CCDC187: variants seen among roughly 807,000 people sequenced by gnomAD.
CCDC187 encodes coiled-coil domain-containing protein 187.
CCDC187 carries 32 observed loss-of-function variants against 38.0 expected under a neutral mutation model. That is an observed-to-expected ratio of 0.84 (90% CI 0.64 to 1.13). The LOEUF is 1.13. Among genes scored for constraint, CCDC187 ranks in the 50% most tolerant of loss-of-function variants. The pLI, the probability that CCDC187 is intolerant of heterozygous loss-of-function variation, is 0.00. For missense variants in CCDC187, 707 were observed against 786.8 expected, an observed-to-expected ratio of 0.90 and a Z score of 1.21; for synonymous variants, 333 against 347.9, an observed-to-expected ratio of 0.96 and a Z score of 0.48.
rs1831320099 is a variant in CCDC187 at position 136,291,205 on chromosome 9, C to T, written c.1408G>A (p.Asp470Asn). Residue 470 changes from aspartate to asparagine, a missense_variant, in exon 6 of 26, where the codon GAC becomes AAC. Physicochemically the swap from Asp to Asn is conservative, Grantham distance 23. Coordinates refer to ENST00000638797, the MANE Select transcript of CCDC187 (RefSeq NM_001378188.1). Reference protein sequence around the residue: ...PQRAWGAQGQDRSFQRPESPH... With the variant: ...PQRAWGAQGQNRSFQRPESPH... ...CTCTCCGGCCTCTGGAAGGAGCGGT[C>T]CTGTCCTTGGGCCCCCCAGGCCCTC... 2.5e-6 allele frequency: 1 copy of T among 398,608 alleles called. No individual in the cohort carries two copies. The highest frequency in any genetic ancestry group is 4.4e-6 in the Non-Finnish European group (1 of 226,148). The allele number at this position is 398,608 out of a possible 1,614,324, so 24.7% of individuals were successfully genotyped here.
upstream of CCDC187, among the ~76,000 whole-genome samples, chr9:136,304,798 G>T (rs1831773402): frequency 6.6e-6 from 1 of 152,244 alleles, no homozygotes. Context: ...GCACGGAGCT[G>T]CGATGATCAT....
chr9:136,267,384 C>T lies in CCDC187; in HGVS notation c.3647G>A (p.Gly1216Glu). The change falls in exon 16 of 26, where the codon GGG becomes GAG. Residue 1216 changes from glycine (G) to glutamate (E), a missense_variant and splice_region_variant. Physicochemically the swap from Gly to Glu is moderately conservative, Grantham distance 98. Coordinates refer to ENST00000638797, the MANE Select transcript of CCDC187 (RefSeq NM_001378188.1). ...GCCGGCGCCAGGCGCATGCGCTCAC[C>T]CTCGTCGATGCTCCAGCCAGGCCAG... ...AELAWLEHRR[G>E]CLDSKRDRAV... 1.0e-6 allele frequency: 1 copy of T among 985,572 alleles called. No homozygotes were observed. Among genetic ancestry groups the T allele is most frequent in the African/African-American group, 1.7e-5 (1 of 57,328 alleles). 61.1% of individuals were successfully genotyped at this position (985,572 alleles called of 1,614,324 possible).
At position 136,268,121 on chromosome 9, in the gene CCDC187, C is replaced by T; in HGVS notation, c.3447G>A (p.Val1149=). ...GGGAGAGGGCTCCGTCAGGGCCCTC[C>T]ACCTCTGAGGAAGGAAGCGCCATGG... is the stretch of plus-strand genomic sequence containing the variant. ...NVVAKPASAE[V]EGPDGALSQL... The change falls in exon 15 of 26, where the codon GTG becomes GTA. Residue 1149 remains valine, a synonymous_variant. Coordinates refer to ENST00000638797, the MANE Select transcript of CCDC187 (RefSeq NM_001378188.1). 1 of 985,496 alleles carries T rather than the reference C, an allele frequency of 1.0e-6. No homozygotes were observed. The highest frequency in any genetic ancestry group is 4.7e-5 in the South Asian group (1 of 21,284). The allele number at this position is 985,496 out of a possible 1,614,324, so 61.0% of individuals were successfully genotyped here.
intron 23 of CCDC187, 118 bp from the exon 24 acceptor site, chr9:136,256,441 T>C: frequency 3.0e-6 from 1 of 328,614 alleles, no homozygotes. Flanking sequence ...CAAAGACCAC[T>C]CAAAAGAGGG....
rs912551769 is a variant in CCDC187 at position 136,303,704 on chromosome 9, C to G, written c.127G>C (p.Ala43Pro). The G allele has an allele frequency of 6.6e-6, 1 of 152,364 alleles. No individual in the cohort carries two copies. The highest frequency in any genetic ancestry group is 2.1e-4 in the South Asian group (1 of 4,836). 9.4% of individuals were successfully genotyped at this position (152,364 alleles called of 1,614,324 possible). ...AGATGCTACCTGGGCTTGGCAACAG[C>G]CTTCCAGTCGGCTGCTCTCCCTGGG... ...GAPGRAADWK[A>P]VAKPRLCAPA... is the part of the protein sequence containing the mutation. The change falls in exon 1 of 26, where the codon GCT (alanine) becomes CCT (proline). Residue 43 changes from alanine to proline, a missense_variant. Physicochemically the swap from Ala to Pro is conservative, Grantham distance 27. Transcript: ENST00000638797.
Position 136,261,226 on chromosome 9 carries a change from G to A in CCDC187, c.4065-962C>T, listed in dbSNP as rs144147279. On this transcript the variant is annotated intron_variant, in intron 19 of 25. Transcript: ENST00000638797. ...GCTCACAGCTGAGCTTCTCTCGAAC[G>A]GCCCAATGAAGGAGGGAAGCGCACC... 3.3e-3 allele frequency among the ~76,000 whole-genome samples: 506 copies of A among 152,244 alleles called. 1 individual carries two copies. Among genetic ancestry groups the A allele is most frequent in the African/African-American group, 8.3e-3 (344 of 41,542 alleles).
At chr9:136,278,504 T>C (rs1293757890) in intron 10 of CCDC187, among the ~76,000 whole-genome samples, 8 of 152,192 alleles carry the variant, frequency 5.3e-5, no homozygotes, top group African/African-American at 1.7e-4. Flanking sequence ...TAGCAATGGG[T>C]GAGGAGCCCC....
intron 3 of CCDC187, 141 bp downstream of exon 3, chr9:136,300,079 C>T (rs1462448416): frequency 3.3e-5 from 13 of 394,158 alleles, no homozygotes; most frequent in African/African-American, 2.1e-4. Flanking sequence ...GGCTCCAAAT[C>T]CCCCCTTGGC....
intron 18 of CCDC187, 104 bp downstream of exon 18, chr9:136,263,518 G>C: frequency 1.2e-6 from 1 of 856,528 alleles, no homozygotes; most frequent in Non-Finnish European, 1.4e-6. Flanking sequence ...ACAGGCGTGA[G>C]ACACCGCGCC....
chr9:136,271,288 G>A (rs1554762358), intron 14 of CCDC187, among the ~76,000 whole-genome samples: 1 of 152,150 alleles, frequency 6.6e-6, no homozygotes, highest in African/African-American at 2.4e-5. Context: ...TTGGGAGGCT[G>A]AAGTGGGCAA....
In CCDC187 at chr9:136,268,550, G is replaced by A. The variant is rs139259427; in HGVS notation, c.3443-425C>T. Among the ~76,000 whole-genome samples the A allele has an allele frequency of 4.4e-3, 667 of 152,260 alleles. 1 individual carries two copies. The highest frequency in any genetic ancestry group is 7.0e-3 in the Non-Finnish European group (476 of 68,018). On this transcript the variant is annotated intron_variant, in intron 14 of 25. Coordinates refer to ENST00000638797, the MANE Select transcript of CCDC187 (RefSeq NM_001378188.1). The stretch of plus-strand genomic sequence containing the variant: ...CCTGCTGCCGACCTCTGCTGGCCAT[G>A]CTTCTGTTCTGAGTGATGGAAAAAG...
chr9:136,302,378 C>T (rs1162359678), intron 2 of CCDC187, among the ~76,000 whole-genome samples: 19 of 151,802 alleles, frequency 1.3e-4, no homozygotes, highest in African/African-American at 3.9e-4. Context: ...AAGACCCCCC[C>T]ACCACACTCC....
intron 9 of CCDC187, among the ~76,000 whole-genome samples, chr9:136,282,972 C>T (rs1831082445): frequency 1.3e-5 from 2 of 152,214 alleles, no homozygotes; most frequent in African/African-American, 4.8e-5. Context: ...AGTCTGAGGC[C>T]GGGCACAGTG....
Position 136,254,690 on chromosome 9 carries a change from CCGGCCCTG to C in CCDC187, c.5130_5137del (p.Arg1711ProfsTer155), listed in dbSNP as rs1379879004. 9.9e-5 allele frequency: 98 copies of C among 985,526 alleles called. No individual in the cohort carries two copies. The African/African-American group carries it at 1.5e-3, about 15-fold the overall frequency. The allele number at this position is 985,526 out of a possible 1,614,324, so 61.0% of individuals were successfully genotyped here. On this transcript the variant is annotated frameshift_variant, in exon 26 of 26. Coordinates refer to ENST00000638797, the MANE Select transcript of CCDC187 (RefSeq NM_001378188.1). LOFTEE classifies it low-confidence loss of function (END_TRUNC). ...GTCCAAGGAGGAGCCACGCAGGGGG[CCGGCCCTG>C]CGGCCCTGGGGCCTCTGCCAGGTCA...
At chr9:136,290,087 G>C (rs1050459408) in intron 6 of CCDC187, 34 bp from the exon 7 acceptor site, 1 of 398,592 alleles carries the variant, frequency 2.5e-6, no homozygotes, top group Admixed American at 4.4e-5. Context: ...AGAGCCCCCC[G>C]CTCGGGAAGA....
chr9:136,271,923 G>A (rs1293311950), intron 14 of CCDC187, among the ~76,000 whole-genome samples: 1 of 152,086 alleles, frequency 6.6e-6, no homozygotes. Context: ...GTCAAAAGCA[G>A]CCAGAGAAAC....
At chr9:136,277,981 A>G (rs1830965790) in intron 10 of CCDC187, among the ~76,000 whole-genome samples, 1 of 152,022 alleles carries the variant, frequency 6.6e-6, no homozygotes, top group East Asian at 1.9e-4. Flanking sequence ...AGCAGAGGAC[A>G]CCCCAAAGCA....
rs1306234427 is a variant in CCDC187, at chr9:136,258,875, A to C, written c.4366+57T>G. The C allele has an allele frequency of 4.1e-6, 4 of 985,288 alleles. No homozygotes were observed. In the African/African-American group the frequency reaches 7.0e-5, roughly 17 times the overall value. 61.0% of individuals were successfully genotyped at this position (985,288 alleles called of 1,614,324 possible). A position where few individuals can be genotyped will look rare whatever the true frequency, so the allele number is the denominator to read the frequency against. ...TCCAGCCTCGGACAGGCTCTGCTGG[A>C]TGTGGGGGAAGTGTCTGGCGCCGTG... is the stretch of plus-strand genomic sequence containing the variant. On this transcript the variant is annotated intron_variant, in intron 22 of 25. Transcript: ENST00000638797. The surrounding 1 kb of genome is among the most constrained non-coding windows in gnomAD (Gnocchi z 4.3).
At chr9:136,267,999 G>A in intron 15 of CCDC187, 50 bp downstream of exon 15, 1 of 984,340 alleles carries the variant, frequency 1.0e-6, no homozygotes. Context: ...TACCAGGGCC[G>A]TGCTGGGTCC....
Sources: gnomAD v4.1 joint callset for allele counts (sites outside exome capture counted in the v4.1 genomes callset) on GRCh38, gnomAD v4.1.1 for gene constraint, Gnocchi (gnomAD v3.1) non-coding constraint, MANE v1.5 for transcripts, NCBI Gene and HGNC (gene_info 2026-07-23, HGNC 2026-07-21) for gene names.